Variants in PAPPA2 observed in about 807,000 individuals in gnomAD.
PAPPA2 encodes the protein pappalysin-2.
In PAPPA2, 86 loss-of-function variants were observed where a neutral mutation model predicts 176.4. The observed-to-expected ratio is 0.49, with a 90% CI of 0.41 to 0.58. The LOEUF is 0.58. Ranked by LOEUF, PAPPA2 falls within the 20% of genes least tolerant of loss-of-function variation. The probability of loss-of-function intolerance (pLI) is 0.00; values close to 1 mark genes in which losing one functional copy is unlikely to be tolerated. For missense variants in PAPPA2, 2,073 were observed against 2,256.9 expected, an observed-to-expected ratio of 0.92 and a Z score of 1.65; for synonymous variants, 809 against 852.2, an observed-to-expected ratio of 0.95 and a Z score of 0.88.
chr1:176,650,654 C>T (rs140069448), intron 3 of PAPPA2, among the ~76,000 whole-genome samples: 336 of 151,432 alleles, frequency 2.2e-3, no homozygotes, highest in Non-Finnish European at 3.9e-3. Context: ...TGAGAACATG[C>T]GGTGTTTGGT....
At chr1:176,536,093 G>A (rs1292168943) in intron 1 of PAPPA2, among the ~76,000 whole-genome samples, 2 of 152,134 alleles carry the variant, frequency 1.3e-5, no homozygotes, top group Non-Finnish European at 2.9e-5. Flanking sequence ...AGGTTCCCCT[G>A]TCACGGGTAT....
chr1:176,643,902 G>A (rs987459731), intron 3 of PAPPA2, among the ~76,000 whole-genome samples: 1 of 151,814 alleles, frequency 6.6e-6, no homozygotes, highest in African/African-American at 2.4e-5. Flanking sequence ...AGTGGATGAA[G>A]GAGGTATCTT....
At chr1:176,639,712 T>C (rs1000702688) in intron 3 of PAPPA2, among the ~76,000 whole-genome samples, 1 of 148,310 alleles carries the variant, frequency 6.7e-6, no homozygotes, top group African/African-American at 2.4e-5. Flanking sequence ...TTTTTTTCTT[T>C]TTCTTTCTTT....
chr1:176,723,355 A>G (rs767811104), intron 12 of PAPPA2, among the ~76,000 whole-genome samples: 24 of 152,224 alleles, frequency 1.6e-4, no homozygotes, highest in Non-Finnish European at 3.2e-4. Context: ...TTTGTATTAG[A>G]AAAAATTATT....
At chr1:176,839,135 CA>C (rs1667387175) in intron 21 of PAPPA2, among the ~76,000 whole-genome samples, 1 of 152,030 alleles carries the variant, frequency 6.6e-6, no homozygotes, top group African/African-American at 2.4e-5. Flanking sequence ...TTCTGTGGCC[CA>C]AAGAATTTGA....
intron 2 of PAPPA2, among the ~76,000 whole-genome samples, chr1:176,559,942 A>G (rs934647215): frequency 7.2e-5 from 11 of 152,238 alleles, no homozygotes; most frequent in Admixed American, 7.2e-4. Flanking sequence ...ACAGAGGAAC[A>G]TTCCCCTCCC....
intron 3 of PAPPA2, among the ~76,000 whole-genome samples, chr1:176,646,658 T>A (rs755890780): frequency 2.6e-5 from 4 of 151,308 alleles, no homozygotes; most frequent in Non-Finnish European, 4.4e-5. Context: ...TGAGAACATA[T>A]GAAGTTTGTC....
intron 17 of PAPPA2, among the ~76,000 whole-genome samples, chr1:176,773,073 G>T (rs749411657): frequency 2.6e-5 from 4 of 152,058 alleles, no homozygotes; most frequent in Non-Finnish European, 5.9e-5. Context: ...TGGAGTTCTG[G>T]GTTTGAGGGG....
intron 3 of PAPPA2, among the ~76,000 whole-genome samples, chr1:176,650,046 T>A (rs1425729576): frequency 6.6e-6 from 1 of 151,648 alleles, no homozygotes; most frequent in South Asian, 2.1e-4. Flanking sequence ...TTACATCTAT[T>A]AATGTATACT....
intron 14 of PAPPA2, among the ~76,000 whole-genome samples, chr1:176,741,412 C>A (rs1166818242): frequency 6.6e-6 from 1 of 152,178 alleles, no homozygotes; most frequent in Non-Finnish European, 1.5e-5. Context: ...CCGCAGCTAT[C>A]TGAGTGTCTT....
intron 3 of PAPPA2, 98 bp downstream of exon 3, chr1:176,595,693 T>C (rs764384601): frequency 1.7e-6 from 2 of 1,156,546 alleles, no homozygotes; most frequent in East Asian, 5.1e-5. Context: ...ACACACTCCC[T>C]GAATAAGACA....
chr1:176,746,404 T>G (rs1279754999), intron 14 of PAPPA2, among the ~76,000 whole-genome samples: 2 of 152,116 alleles, frequency 1.3e-5, no homozygotes, highest in Non-Finnish European at 2.9e-5. Context: ...GTTTTTCTTT[T>G]TCTTTTTTTC....
chr1:176,589,677 C>A (rs1335662986), intron 2 of PAPPA2, among the ~76,000 whole-genome samples: 1 of 152,164 alleles, frequency 6.6e-6, no homozygotes, highest in Non-Finnish European at 1.5e-5. Context: ...TATTCATGTA[C>A]TGGTCCCTCT....
At chr1:176,691,342 G>A (rs879735245) in intron 5 of PAPPA2, 8 of 216,628 alleles carry the variant, frequency 3.7e-5, no homozygotes, top group South Asian at 1.6e-4. Context: ...GTGATGAGCC[G>A]ATTCTGTCTG....
chr1:176,739,402 G>A (rs1177671514), intron 12 of PAPPA2, among the ~76,000 whole-genome samples: 1 of 152,012 alleles, frequency 6.6e-6, no homozygotes, highest in Non-Finnish European at 1.5e-5. Context: ...GAAAAAGATA[G>A]GATGTTCAGC....
At chr1:176,735,086 A>G (rs1230000411) in intron 12 of PAPPA2, among the ~76,000 whole-genome samples, 1 of 152,142 alleles carries the variant, frequency 6.6e-6, no homozygotes, top group African/African-American at 2.4e-5. Context: ...AAGCCACTTA[A>G]GCTTTCAGAA....
At chr1:176,794,092 C>CAG (rs578002852) in intron 20 of PAPPA2, among the ~76,000 whole-genome samples, 131 of 152,290 alleles carry the variant, frequency 8.6e-4, no homozygotes, top group Non-Finnish European at 1.5e-3. Context: ...TAGATGCCTA[C>CAG]AGAGTTTATT....
chr1:176,631,652 T>C (rs1441988872), intron 3 of PAPPA2, among the ~76,000 whole-genome samples: 1 of 152,062 alleles, frequency 6.6e-6, no homozygotes, highest in Non-Finnish European at 1.5e-5. Context: ...TATGGATAAA[T>C]CATTGGCAAA....
At chr1:176,724,115 A>C (rs1473114881) in intron 12 of PAPPA2, among the ~76,000 whole-genome samples, 1 of 152,210 alleles carries the variant, frequency 6.6e-6, no homozygotes, top group Non-Finnish European at 1.5e-5. Context: ...AGCACCTATA[A>C]TATGCCAAAA....
Sources: allele counts gnomAD v4.1 joint callset (sites outside exome capture counted in the v4.1 genomes callset), GRCh38; gene constraint gnomAD v4.1.1; transcripts MANE v1.5; gene names NCBI Gene and HGNC (gene_info 2026-07-23, HGNC 2026-07-21).